The following MGA variants were observed in gnomAD, a reference collection of about 807,000 sequenced individuals.
The protein encoded by MGA is MAX dimerization protein MGA, also known as MAX gene-associated protein.
In MGA, 40 loss-of-function variants were observed where a neutral mutation model predicts 261.1. The observed-to-expected ratio is 0.15, with a 90% CI of 0.12 to 0.20. The LOEUF (loss-of-function observed/expected upper bound fraction) is 0.20. Among genes scored for constraint, MGA ranks in the 10% least tolerant of loss-of-function variants. The pLI is 1.00. For missense variants in MGA, 3,397 were observed against 3,630.5 expected (o/e 0.94, Z 1.65); for synonymous variants, 1,302 against 1,290.6 (o/e 1.01, Z -0.19).
chr15:41,762,926 T>C (rs1468318322), intron 22 of MGA, among the ~76,000 whole-genome samples: 1 of 152,148 alleles, frequency 6.6e-6, no homozygotes, highest in African/African-American at 2.4e-5. Flanking sequence ...CATGTATTTT[T>C]AATGAGTAGT....
intron 15 of MGA, among the ~76,000 whole-genome samples, chr15:41,744,116 T>C (rs1034882066): frequency 6.6e-6 from 1 of 152,200 alleles, no homozygotes; most frequent in Admixed American, 6.5e-5. Context: ...CTGTCTTTTA[T>C]GGAAGAACAG....
At chr15:41,674,741 A>G (rs1028873843) in intron 2 of MGA, among the ~76,000 whole-genome samples, 4 of 151,788 alleles carry the variant, frequency 2.6e-5, no homozygotes, top group Non-Finnish European at 5.9e-5. Flanking sequence ...GATGGTCTCG[A>G]TCTCTTGACC....
intron 1 of MGA, among the ~76,000 whole-genome samples, chr15:41,663,918 G>A (rs1472678507): frequency 2.0e-5 from 3 of 151,736 alleles, no homozygotes; most frequent in Non-Finnish European, 4.4e-5. Context: ...ATTTATCTTA[G>A]AAAAAAAAGA....
rs1334631390 is a variant in MGA, at chr15:41,739,886, C to G, written c.4435-167C>G. 26 of 1,603,400 alleles carry G rather than the reference C, an allele frequency of 1.6e-5. No individual in the cohort carries two copies. Among genetic ancestry groups the G allele is most frequent in the East Asian group, 2.2e-5 (1 of 44,464 alleles). ...AGAGAATTTTATCTTTACAGAATTT[C>G]TCTTTGCCACTTGTTTCAGGTTAAT... On this transcript the variant is annotated intron_variant, in intron 13 of 23. Transcript: ENST00000219905.
chr15:41,650,661 C>T (rs1006326754), intron 1 of MGA, among the ~76,000 whole-genome samples: 1 of 152,146 alleles, frequency 6.6e-6, no homozygotes, highest in African/African-American at 2.4e-5. Context: ...TGGTCTCAAA[C>T]TCCTGACCTC....
At chr15:41,700,311 G>A (rs1437650417) in intron 5 of MGA, among the ~76,000 whole-genome samples, 1 of 152,128 alleles carries the variant, frequency 6.6e-6, no homozygotes, top group Non-Finnish European at 1.5e-5. Flanking sequence ...CTCCCAAAGT[G>A]CTGAGATTAC....
At chr15:41,633,812 C>T (rs1288314148) in intron 1 of MGA, among the ~76,000 whole-genome samples, 5 of 152,158 alleles carry the variant, frequency 3.3e-5, no homozygotes, top group Admixed American at 3.3e-4. Flanking sequence ...TTCCTCTGCT[C>T]AAAACCTTAC....
In MGA at chr15:41,667,787, C is replaced by T. The variant is rs563272938; in HGVS notation, c.-67-1041C>T. Reference sequence around the variant, plus strand: ...TGATTTTGCCAGATTAAAAAATTTACAGAATATTAAATTTTATTTTATTTT... The same window carrying T: ...TGATTTTGCCAGATTAAAAAATTTATAGAATATTAAATTTTATTTTATTTT... On this transcript the variant is annotated intron_variant, in intron 1 of 23. Coordinates refer to ENST00000219905, the MANE Select transcript of MGA (RefSeq NM_001164273.2). Among the ~76,000 whole-genome samples the T allele has an allele frequency of 2.0e-5, 3 of 152,116 alleles. No individual in the cohort carries two copies. The South Asian group carries it at 6.2e-4, about 32-fold the overall frequency.
At chr15:41,623,353 G>A (rs764733106) in intron 1 of MGA, among the ~76,000 whole-genome samples, 1 of 152,176 alleles carries the variant, frequency 6.6e-6, no homozygotes, top group African/African-American at 2.4e-5. Context: ...TAAGGTTAGT[G>A]TTATAAAGAT....
At chr15:41,717,636 C>T (rs1024888767) in intron 9 of MGA, among the ~76,000 whole-genome samples, 1 of 152,122 alleles carries the variant, frequency 6.6e-6, no homozygotes, top group Non-Finnish European at 1.5e-5. Flanking sequence ...GTGGAAAACC[C>T]TGCAATAATA....
intron 7 of MGA, among the ~76,000 whole-genome samples, chr15:41,708,622 C>G (rs1257695569): frequency 1.3e-5 from 2 of 152,082 alleles, no homozygotes; most frequent in Non-Finnish European, 2.9e-5. Context: ...CCCAAGCCTT[C>G]CATGGTTTAA....
chr15:41,749,800 G>T lies in MGA; in HGVS notation c.6193G>T (p.Val2065Phe). The T allele has an allele frequency of 6.2e-7, 1 of 1,613,958 alleles. No homozygotes were observed. Among genetic ancestry groups the T allele is most frequent in the Non-Finnish European group, 8.5e-7 (1 of 1,179,884 alleles). Reference sequence around the variant, plus strand: ...ACATACAGATCAAGATTATAAAGATGTTAATGAAGAATATGGGGCTAGGAA... The same window carrying T: ...ACATACAGATCAAGATTATAAAGATTTTAATGAAGAATATGGGGCTAGGAA... Residue 2065 changes from valine (V) to phenylalanine (F), a missense_variant, in exon 17 of 24, where the codon GTT becomes TTT. Val to Phe is a conservative substitution (Grantham distance 50). Coordinates refer to ENST00000219905, the MANE Select transcript of MGA (RefSeq NM_001164273.2).
chr15:41,638,688 C>CTTTTTTTTTTT (rs761492514), intron 1 of MGA, among the ~76,000 whole-genome samples: 83 of 115,542 alleles, frequency 7.2e-4, no homozygotes, highest in Middle Eastern at 5.0e-3. Context: ...TTTTCTTTTT[C>CTTTTTTTTTTT]TTTTTTTTTT....
intron 14 of MGA, among the ~76,000 whole-genome samples, chr15:41,741,565 A>G (rs1015942364): frequency 6.6e-6 from 1 of 152,172 alleles, no homozygotes; most frequent in Non-Finnish European, 1.5e-5. Context: ...AAGTTTTTAC[A>G]TTAGAAATTG....
At chr15:41,716,679 G>A (rs553167804) in intron 9 of MGA, among the ~76,000 whole-genome samples, 45 of 152,100 alleles carry the variant, frequency 3.0e-4, no homozygotes, top group Non-Finnish European at 5.6e-4. Context: ...TGAGGTATAA[G>A]CATTTTATTT....
intron 1 of MGA, among the ~76,000 whole-genome samples, chr15:41,638,989 G>T (rs994445472): frequency 1.3e-5 from 2 of 151,976 alleles, no homozygotes; most frequent in African/African-American, 4.8e-5. Flanking sequence ...AGGATTACAG[G>T]TGTGAGCCAC....
At chr15:41,690,541 A>G (rs946216444) in intron 2 of MGA, among the ~76,000 whole-genome samples, 1 of 152,098 alleles carries the variant, frequency 6.6e-6, no homozygotes, top group Non-Finnish European at 1.5e-5. Context: ...GTTGATCTGT[A>G]TATCTAGTCT....
chr15:41,685,878 A>C (rs1389362014), intron 2 of MGA, among the ~76,000 whole-genome samples: 1 of 151,704 alleles, frequency 6.6e-6, no homozygotes, highest in East Asian at 1.9e-4. Flanking sequence ...GGTTGCGGGC[A>C]CCTGTAGTCC....
intron 10 of MGA, among the ~76,000 whole-genome samples, chr15:41,728,146 A>G (rs2151695612): frequency 6.6e-6 from 1 of 152,204 alleles, no homozygotes; most frequent in East Asian, 1.9e-4. Context: ...CCTGGCCAAC[A>G]TGGTGAAACC....
Sources: allele counts gnomAD v4.1 joint callset (sites outside exome capture counted in the v4.1 genomes callset), GRCh38; gene constraint gnomAD v4.1.1; transcripts MANE v1.5; gene names NCBI Gene and HGNC (gene_info 2026-07-23, HGNC 2026-07-21).